Variants in PRH1 observed in about 807,000 individuals in gnomAD.
PRH1 encodes salivary acidic proline-rich phosphoprotein 1/2.
In PRH1, 7 loss-of-function variants were observed where a neutral mutation model predicts 7.9. The ratio of observed to expected loss-of-function variants is 0.89; its 90% CI spans 0.50 to 1.67. The LOEUF is 1.67. Ranked by LOEUF, PRH1 falls within the 40% of genes most tolerant of loss-of-function variation. The pLI, the probability that PRH1 is intolerant of heterozygous loss-of-function variation, is 0.00. For missense variants in PRH1, 109 were observed against 223.6 expected (o/e 0.49, Z 3.27); for synonymous variants, 45 against 80.8 (o/e 0.56, Z 2.38).
In PRH1 at chr12:10,938,590, C is replaced by A. The variant is rs137967465; in HGVS notation, c.-59+35065G>T. The A allele has an allele frequency of 3.0e-5, 48 of 1,613,706 alleles. No individual in the cohort carries two copies. In the African/African-American group the frequency reaches 5.7e-4, roughly 19 times the overall value. On this transcript the variant is annotated intron_variant, in intron 2 of 3. Transcript: ENST00000539853. ...TGTGCTGCATCTTCTTGCGATGTTT[C>A]CACATGGAGAAGATGAGGAGAAGAA...
At chr12:11,152,478 T>C (rs1466476681) in intron 1 of PRH1, among the ~76,000 whole-genome samples, 2 of 152,152 alleles carry the variant, frequency 1.3e-5, no homozygotes, top group African/African-American at 2.4e-5. Context: ...AATATTTTTA[T>C]AGAAGAAAAT....
At chr12:11,164,949 T>G (rs1947527348) in intron 1 of PRH1, among the ~76,000 whole-genome samples, 1 of 152,168 alleles carries the variant, frequency 6.6e-6, no homozygotes, top group Admixed American at 6.5e-5. Flanking sequence ...ACCTCAGGCC[T>G]TTGGCTATCA....
chr12:11,057,833 AC>A (rs1943429046), intron 1 of PRH1, among the ~76,000 whole-genome samples: 1 of 152,252 alleles, frequency 6.6e-6, no homozygotes, highest in African/African-American at 2.4e-5. Context: ...GAAAATCAAG[AC>A]AATTTGCCTT....
intron 1 of PRH1, among the ~76,000 whole-genome samples, chr12:11,025,212 G>T (rs1377407967): frequency 6.6e-6 from 1 of 151,926 alleles, no homozygotes; most frequent in Non-Finnish European, 1.5e-5. Context: ...TAGAGACGGG[G>T]TTTCACCGTG....
intron 2 of PRH1, among the ~76,000 whole-genome samples, chr12:10,916,034 G>C (rs1171422513): frequency 6.6e-6 from 1 of 152,212 alleles, no homozygotes; most frequent in African/African-American, 2.4e-5. Flanking sequence ...ATAAAGGAAA[G>C]AGGTTTAATG....
At chr12:11,091,113 C>CATATAT in intron 1 of PRH1, among the ~76,000 whole-genome samples, 2 of 5,668 alleles carry the variant, frequency 3.5e-4, no homozygotes, top group African/African-American at 5.2e-4. Flanking sequence ...CACACACACA[C>CATATAT]ACATATATAT....
intron 2 of PRH1, chr12:10,938,618 A>G (rs765609254): frequency 1.6e-5 from 26 of 1,613,780 alleles, no homozygotes. Flanking sequence ...GAGAAGAAAC[A>G]TTGCCAGGGA....
At chr12:10,934,414 C>T (rs759480699) in intron 2 of PRH1, among the ~76,000 whole-genome samples, 1 of 152,014 alleles carries the variant, frequency 6.6e-6, no homozygotes, top group African/African-American at 2.4e-5. Context: ...CAGTCAATTC[C>T]GTTCACCAGT....
chr12:11,065,451 T>C (rs1046821229), intron 1 of PRH1, among the ~76,000 whole-genome samples: 1 of 91,122 alleles, frequency 1.1e-5, no homozygotes, highest in Non-Finnish European at 2.6e-5. Context: ...GTTCTGATTG[T>C]AGCTTCAATG....
intron 1 of PRH1, among the ~76,000 whole-genome samples, chr12:10,989,707 T>G (rs11054137): frequency 0.3 from 46,277 of 152,052 alleles, 8,899 homozygotes; most frequent in East Asian, 0.74. Flanking sequence ...CATGTTCAGC[T>G]TTATATTTTT....
At chr12:11,151,961 C>T (rs115781584) in intron 1 of PRH1, among the ~76,000 whole-genome samples, 17,828 of 151,366 alleles carry the variant, frequency 0.12, 1,171 homozygotes, top group Non-Finnish European at 0.14. Flanking sequence ...ATGATGGTAG[C>T]CAGATCTAAA....
intron 1 of PRH1, among the ~76,000 whole-genome samples, chr12:11,070,026 C>CCCT (rs1943994318): frequency 6.6e-6 from 1 of 152,110 alleles, no homozygotes; most frequent in East Asian, 1.9e-4. Context: ...TTTTACAGTA[C>CCCT]GTAGTTAGTC....
intron 2 of PRH1, among the ~76,000 whole-genome samples, chr12:10,915,020 T>C (rs916211909): frequency 2.0e-5 from 3 of 152,048 alleles, no homozygotes; most frequent in Non-Finnish European, 2.9e-5. Context: ...CCCAGCTACT[T>C]GGGAGGCTGA....
chr12:10,908,358 T>A, intron 2 of PRH1: 2 of 1,584,732 alleles, frequency 1.3e-6, no homozygotes, highest in African/African-American at 2.7e-5. Context: ...TAATCTGTGG[T>A]CTGAATGGCT....
chr12:11,089,976 G>A (rs1284249302), intron 1 of PRH1, among the ~76,000 whole-genome samples: 1 of 116,578 alleles, frequency 8.6e-6, no homozygotes, highest in Non-Finnish European at 2.0e-5. Flanking sequence ...ACCGGAACAG[G>A]GGAATTCATG....
intron 1 of PRH1, among the ~76,000 whole-genome samples, chr12:11,081,098 T>TC (rs1281757942): frequency 1.8e-5 from 2 of 113,788 alleles, no homozygotes; most frequent in African/African-American, 5.8e-5. Context: ...TTTTCTCCCC[T>TC]CTACTGTTAC....
At chr12:11,146,110 A>G (rs769252666) in intron 1 of PRH1, among the ~76,000 whole-genome samples, 4 of 152,076 alleles carry the variant, frequency 2.6e-5, no homozygotes, top group Non-Finnish European at 4.4e-5. Flanking sequence ...CCAGTAGTGA[A>G]AGAGATTTTT....
intron 2 of PRH1, among the ~76,000 whole-genome samples, chr12:10,907,525 G>T (rs1949822127): frequency 6.6e-6 from 1 of 152,110 alleles, no homozygotes; most frequent in Non-Finnish European, 1.5e-5. Context: ...GTGTGTGTGT[G>T]TGTGTGTATA....
At chr12:10,972,125 T>C (rs544498973) in intron 2 of PRH1, among the ~76,000 whole-genome samples, 166 of 152,252 alleles carry the variant, frequency 1.1e-3, no homozygotes, top group African/African-American at 3.1e-3. Context: ...ATACAAAGTG[T>C]TGAAATATAA....
Sources: gnomAD v4.1 joint callset for allele counts (sites outside exome capture counted in the v4.1 genomes callset) on GRCh38, gnomAD v4.1.1 for gene constraint, MANE v1.5 for transcripts, NCBI Gene and HGNC (gene_info 2026-07-23, HGNC 2026-07-21) for gene names.